MICAL3: variants seen among roughly 807,000 people sequenced by gnomAD.
MICAL3 encodes the protein [F-actin]-monooxygenase MICAL3.
In MICAL3, 62 loss-of-function variants were observed where a neutral mutation model predicts 207.4. The ratio of observed to expected loss-of-function variants is 0.30; its 90% CI spans 0.24 to 0.37. MICAL3 has a LOEUF of 0.37. MICAL3 is among the 10% of genes least tolerant of loss of function. The pLI is 1.00. For missense variants in MICAL3, 2,368 were observed against 2,635.6 expected, an observed-to-expected ratio of 0.90 and a Z score of 2.22; for synonymous variants, 1,077 against 1,069.3, an observed-to-expected ratio of 1.01 and a Z score of -0.14.
At chr22:17,896,595 G>A (rs1930858592) in intron 8 of MICAL3, 129 bp downstream of exon 8, 6 of 981,012 alleles carry the variant, frequency 6.1e-6, no homozygotes, top group Non-Finnish European at 7.5e-6. Context: ...ACTTCCTGGT[G>A]TGACTCCTGC....
intron 1 of MICAL3, among the ~76,000 whole-genome samples, chr22:18,007,821 G>A (rs1039809766): frequency 6.7e-6 from 1 of 150,108 alleles, no homozygotes; most frequent in Non-Finnish European, 1.5e-5. Context: ...TACTCGGGAG[G>A]CTGAGGCAGG....
At chr22:17,824,083 C>T (rs956125273) in intron 22 of MICAL3, among the ~76,000 whole-genome samples, 1 of 145,070 alleles carries the variant, frequency 6.9e-6, no homozygotes, top group Non-Finnish European at 1.5e-5. Flanking sequence ...CCCCTAAGCA[C>T]GCACACACCG....
chr22:17,998,100 G>C (rs1484655974), intron 1 of MICAL3, among the ~76,000 whole-genome samples: 1 of 152,104 alleles, frequency 6.6e-6, no homozygotes, highest in Non-Finnish European at 1.5e-5. Context: ...TCAGGAGTTC[G>C]AGACCAGCCT....
chr22:17,971,280 C>G (rs981171458), intron 1 of MICAL3, among the ~76,000 whole-genome samples: 26 of 152,106 alleles, frequency 1.7e-4, no homozygotes, highest in African/African-American at 5.8e-4. Flanking sequence ...CCAGCCTGGC[C>G]AACATGGTGA....
At chr22:17,931,295 G>C (rs1933251737) in intron 1 of MICAL3, among the ~76,000 whole-genome samples, 1 of 152,086 alleles carries the variant, frequency 6.6e-6, no homozygotes, top group Admixed American at 6.6e-5. Flanking sequence ...ACCACCATTT[G>C]GAAAAAAACT....
intron 1 of MICAL3, among the ~76,000 whole-genome samples, chr22:17,931,000 G>A (rs1389104168): frequency 1.3e-5 from 2 of 152,164 alleles, no homozygotes; most frequent in African/African-American, 4.8e-5. Flanking sequence ...TCCTCCGGTG[G>A]CTCCACCTCC....
chr22:17,885,242 A>C (rs1249176900), intron 16 of MICAL3, among the ~76,000 whole-genome samples: 1 of 152,236 alleles, frequency 6.6e-6, no homozygotes, highest in Non-Finnish European at 1.5e-5. Flanking sequence ...TGCAACACAC[A>C]AAAGAAGCTT....
At chr22:18,008,140 T>C (rs752329875) in intron 1 of MICAL3, among the ~76,000 whole-genome samples, 4 of 151,874 alleles carry the variant, frequency 2.6e-5, no homozygotes, top group Non-Finnish European at 5.9e-5. Context: ...CTCAGGAGGC[T>C]GAGGCAGGAG....
intron 12 of MICAL3, 58 bp downstream of exon 12, chr22:17,891,427 A>AAT (rs1309717296): frequency 6.7e-7 from 1 of 1,501,684 alleles, no homozygotes; most frequent in Non-Finnish European, 9.3e-7. Context: ...ACTTGATAGC[A>AAT]GAGTGGTCTG....
chr22:18,021,546 T>C (rs1029003817), intron 1 of MICAL3, among the ~76,000 whole-genome samples: 1 of 152,224 alleles, frequency 6.6e-6, no homozygotes, highest in African/African-American at 2.4e-5. Flanking sequence ...AACAAAATGA[T>C]GCATGCATGG....
chr22:17,945,025 T>TC, intron 1 of MICAL3, among the ~76,000 whole-genome samples: 1 of 138,524 alleles, frequency 7.2e-6, no homozygotes, highest in African/African-American at 2.7e-5. Context: ...TTTTTTTTTT[T>TC]CAACAGTATG....
chr22:17,909,050 T>G (rs1178463117), intron 1 of MICAL3, among the ~76,000 whole-genome samples: 1 of 152,208 alleles, frequency 6.6e-6, no homozygotes. Context: ...TTAAGTTTCA[T>G]GAGAGAAAGT....
intron 1 of MICAL3, among the ~76,000 whole-genome samples, chr22:17,937,402 A>T (rs1447652032): frequency 1.3e-5 from 2 of 152,086 alleles, no homozygotes; most frequent in Admixed American, 6.6e-5. Flanking sequence ...GGTGGCTCAC[A>T]CCTGTAATCC....
chr22:17,831,558 G>A (rs1265851364), intron 21 of MICAL3, among the ~76,000 whole-genome samples: 2 of 152,224 alleles, frequency 1.3e-5, no homozygotes, highest in African/African-American at 4.8e-5. Flanking sequence ...AGAAAACGAG[G>A]TGGAGACAAG....
At chr22:17,892,959 A>G (rs961179371) in intron 11 of MICAL3, among the ~76,000 whole-genome samples, 3 of 152,098 alleles carry the variant, frequency 2.0e-5, no homozygotes, top group Admixed American at 6.5e-5. Flanking sequence ...TCTCTCACAT[A>G]ACCAACAATG....
chr22:17,839,257 C>CCTTTTTT (rs1569088578), intron 20 of MICAL3, among the ~76,000 whole-genome samples: 7 of 88,030 alleles, frequency 8.0e-5, no homozygotes, highest in South Asian at 3.0e-4. Flanking sequence ...CCGGGCTCTT[C>CCTTTTTT]ATTTTTTTTT....
At chr22:17,961,463 C>T (rs1447542259) in intron 1 of MICAL3, among the ~76,000 whole-genome samples, 4 of 152,188 alleles carry the variant, frequency 2.6e-5, no homozygotes, top group African/African-American at 7.2e-5. Flanking sequence ...ACCAGGAGGG[C>T]ATCAGTCTCC....
At position 17,975,267 on chromosome 22, in the gene MICAL3, T is replaced by C. The variant is rs138944357; in HGVS notation, c.-75+49014A>G. Among the ~76,000 whole-genome samples the C allele has an allele frequency of 7.6e-3, 1,154 of 152,052 alleles. 9 individuals are homozygous for C. The highest frequency in any genetic ancestry group is 0.027 in the African/African-American group (1,116 of 41,446). Reference sequence around the variant, plus strand: ...TGATGGGAAGTGGCTCTACTCAGAATGGGAACAGGACCACGCTTCAGTTCA... The same window carrying C: ...TGATGGGAAGTGGCTCTACTCAGAACGGGAACAGGACCACGCTTCAGTTCA... On this transcript the variant is annotated intron_variant, in intron 1 of 31. Coordinates refer to ENST00000441493, the MANE Select transcript of MICAL3 (RefSeq NM_015241.3).
intron 1 of MICAL3, among the ~76,000 whole-genome samples, chr22:17,998,106 A>C (rs1017973452): frequency 3.3e-5 from 5 of 152,190 alleles, no homozygotes; most frequent in African/African-American, 1.2e-4. Context: ...GTTCGAGACC[A>C]GCCTGACCAA....
Sources: allele counts gnomAD v4.1 joint callset (sites outside exome capture counted in the v4.1 genomes callset), GRCh38; gene constraint gnomAD v4.1.1; transcripts MANE v1.5; gene names NCBI Gene and HGNC (gene_info 2026-07-23, HGNC 2026-07-21).